The following CD44 variants were observed in gnomAD, a reference collection of about 807,000 sequenced individuals.
CD44 encodes the protein CD44 antigen.
In CD44, 49 loss-of-function variants were observed where a neutral mutation model predicts 88.8. The observed-to-expected ratio is 0.55, with a 90% CI of 0.44 to 0.70. The LOEUF (loss-of-function observed/expected upper bound fraction) is 0.70, where lower values mean the gene tolerates loss of function less well. CD44 is among the 30% of genes least tolerant of loss of function. The probability of loss-of-function intolerance (pLI) is 0.00; values close to 1 mark genes in which losing one functional copy is unlikely to be tolerated. For missense variants in CD44, 883 were observed against 913.8 expected (o/e 0.97, Z 0.43); for synonymous variants, 325 against 312.3 (o/e 1.04, Z -0.43).
chr11:35,173,039 C>G (rs1185990489), intron 1 of CD44, among the ~76,000 whole-genome samples: 5 of 152,232 alleles, frequency 3.3e-5, no homozygotes. Flanking sequence ...ACTGAAAAGT[C>G]TCAGCCTCAA....
At chr11:35,226,070 G>A (rs112525479) in intron 17 of CD44, among the ~76,000 whole-genome samples, 4,540 of 152,156 alleles carry the variant, frequency 0.03, 213 homozygotes, top group African/African-American at 0.1. Context: ...CTTATTAGAC[G>A]CCTAGAGCAC....
At chr11:35,158,312 G>A (rs1942167041) in intron 1 of CD44, among the ~76,000 whole-genome samples, 3 of 152,174 alleles carry the variant, frequency 2.0e-5, no homozygotes, top group South Asian at 2.1e-4. Context: ...TGTCAAGGAC[G>A]CATTGGGGAG....
At chr11:35,139,454 G>T in intron 1 of CD44, 84 bp downstream of exon 1, 6 of 1,235,790 alleles carry the variant, frequency 4.9e-6, no homozygotes, top group Non-Finnish European at 7.0e-6. Context: ...GGCTGAGTCG[G>T]CCCTGGGGGA....
intron 9 of CD44, among the ~76,000 whole-genome samples, chr11:35,203,098 T>C (rs979548718): frequency 6.6e-6 from 1 of 152,210 alleles, no homozygotes; most frequent in Non-Finnish European, 1.5e-5. Context: ...AATTATCTTA[T>C]GAATATTTGC....
intron 1 of CD44, among the ~76,000 whole-genome samples, chr11:35,154,273 C>T (rs533403030): frequency 2.0e-5 from 3 of 152,200 alleles, no homozygotes; most frequent in South Asian, 2.1e-4. Context: ...GGATGGTTTA[C>T]AGGGTGTCTT....
intron 3 of CD44, among the ~76,000 whole-genome samples, chr11:35,181,690 ATATT>A (rs1321597866): frequency 5.9e-5 from 8 of 136,264 alleles, no homozygotes; most frequent in African/African-American, 1.9e-4. Flanking sequence ...ATTTATATAT[ATATT>A]TATTTATATA....
intron 1 of CD44, among the ~76,000 whole-genome samples, chr11:35,139,909 G>A (rs940105854): frequency 3.3e-5 from 5 of 152,252 alleles, no homozygotes; most frequent in Non-Finnish European, 5.9e-5. Context: ...TCCCCACTGA[G>A]CCTTGTTCCA....
At chr11:35,206,844 A>C (rs1418005125) in intron 11 of CD44, among the ~76,000 whole-genome samples, 1 of 152,248 alleles carries the variant, frequency 6.6e-6, no homozygotes, top group African/African-American at 2.4e-5. Flanking sequence ...CAGACCCAGC[A>C]CACATGAGTT....
chr11:35,181,669 CAT>C lies in CD44; in HGVS notation c.367+1273_367+1274del, dbSNP rs1485501959. Among the ~76,000 whole-genome samples the C allele has an allele frequency of 1.6e-4, 19 of 121,266 alleles. No individual in the cohort carries two copies. In the East Asian group the frequency reaches 2.1e-3, roughly 13 times the overall value. The allele number at this position is 121,266 out of a possible 152,430, so 79.6% of individuals were successfully genotyped here. ...AGACAAACACAGATATATACATATA[CAT>C]ATATATATATTTATATATATATTTA... On this transcript the variant is annotated intron_variant, in intron 3 of 17. Transcript: ENST00000428726.
At chr11:35,185,514 A>G (rs148334359) in intron 3 of CD44, among the ~76,000 whole-genome samples, 109 of 152,268 alleles carry the variant, frequency 7.2e-4, no homozygotes, top group African/African-American at 2.5e-3. Context: ...GGACACTTAA[A>G]ATACTTGTGA....
intron 3 of CD44, among the ~76,000 whole-genome samples, chr11:35,182,086 C>G (rs1348519320): frequency 7.3e-6 from 1 of 137,790 alleles, no homozygotes; most frequent in African/African-American, 2.7e-5. Flanking sequence ...CCATATACAT[C>G]AAATATAAAT....
At chr11:35,161,034 C>T (rs991539554) in intron 1 of CD44, among the ~76,000 whole-genome samples, 2 of 152,116 alleles carry the variant, frequency 1.3e-5, no homozygotes, top group African/African-American at 2.4e-5. Flanking sequence ...TATCAGGAAG[C>T]CTGGAGGTCT....
intron 1 of CD44, among the ~76,000 whole-genome samples, chr11:35,147,239 G>T (rs1251168160): frequency 6.6e-6 from 1 of 152,202 alleles, no homozygotes; most frequent in Non-Finnish European, 1.5e-5. Flanking sequence ...CACCTTACAG[G>T]CCCTTGGTTC....
At position 35,171,009 on chromosome 11, in the gene CD44, C is replaced by T. The variant is rs1370631156; in HGVS notation, c.68-5566C>T. On this transcript the variant is annotated intron_variant, in intron 1 of 17. Transcript: ENST00000428726. ...AAAATGAGGATACTAATATTACCCA[C>T]CTCATAGGAATGTTTTAAGGATAAA... Among the ~76,000 whole-genome samples, 5 of 152,310 alleles carry T rather than the reference C, an allele frequency of 3.3e-5. No homozygotes were observed. The East Asian group carries it at 9.6e-4, about 29-fold the overall frequency.
chr11:35,213,280 C>T (rs1370943352), intron 14 of CD44, among the ~76,000 whole-genome samples: 2 of 152,224 alleles, frequency 1.3e-5, no homozygotes, highest in Non-Finnish European at 2.9e-5. Context: ...TTCCATAATT[C>T]TCCATGGATT....
At chr11:35,201,871 T>C in intron 9 of CD44, 84 bp downstream of exon 9, 1 of 1,382,368 alleles carries the variant, frequency 7.2e-7, no homozygotes. Flanking sequence ...GTTTAGAAAT[T>C]GGCCGCATCT....
At chr11:35,152,323 G>A (rs1860476321) in intron 1 of CD44, among the ~76,000 whole-genome samples, 1 of 152,148 alleles carries the variant, frequency 6.6e-6, no homozygotes, top group Non-Finnish European at 1.5e-5. Flanking sequence ...CTAGCTACCT[G>A]GGCAGGTAAG....
chr11:35,147,324 G>C (rs1020323151), intron 1 of CD44, among the ~76,000 whole-genome samples: 6 of 152,190 alleles, frequency 3.9e-5, no homozygotes, highest in African/African-American at 1.4e-4. Context: ...GTCAGGAGTA[G>C]GGCTGTACAT....
In CD44 at chr11:35,211,452, A is replaced by T. The variant is rs1233569988; in HGVS notation, c.1810+3A>T. ...TAATGTCAATCGTTCCTTATCAGGT[A>T]ATTTGGCATTTATTATCTAGTTTGC... On this transcript the variant is annotated splice_donor_region_variant and intron_variant, in intron 14 of 17. Transcript: ENST00000428726. The T allele has an allele frequency of 1.2e-6, 2 of 1,610,056 alleles. No individual in the cohort carries two copies. Among genetic ancestry groups the T allele is most frequent in the South Asian group, 2.2e-5 (2 of 91,002 alleles).
Sources: gnomAD v4.1 joint callset for allele counts (sites outside exome capture counted in the v4.1 genomes callset) on GRCh38, gnomAD v4.1.1 for gene constraint, MANE v1.5 for transcripts, NCBI Gene and HGNC (gene_info 2026-07-23, HGNC 2026-07-21) for gene names.